The following PAPPA variants were observed in gnomAD, a reference collection of about 807,000 sequenced individuals.
PAPPA encodes pappalysin-1.
In PAPPA, 60 loss-of-function variants were observed where a neutral mutation model predicts 164.0. The observed-to-expected ratio is 0.37, with a 90% CI of 0.30 to 0.45. The LOEUF is 0.45. PAPPA is among the 20% of genes least tolerant of loss of function. The pLI, the probability that PAPPA is intolerant of heterozygous loss-of-function variation, is 1.00. For missense variants in PAPPA, 1,782 were observed against 2,087.3 expected (o/e 0.85, Z 2.85); for synonymous variants, 875 against 814.1 (o/e 1.07, Z -1.27).
At chr9:116,281,842 C>T (rs557310844) in intron 9 of PAPPA, among the ~76,000 whole-genome samples, 13 of 152,170 alleles carry the variant, frequency 8.5e-5, no homozygotes, top group Admixed American at 4.6e-4. Context: ...CCTCACACCC[C>T]ACTTAACCAT....
chr9:116,375,020 A>G (rs1846631309), intron 19 of PAPPA, among the ~76,000 whole-genome samples: 1 of 152,270 alleles, frequency 6.6e-6, no homozygotes, highest in African/African-American at 2.4e-5. Flanking sequence ...AAGTGTCTAT[A>G]ACTCAGGATC....
In PAPPA at chr9:116,187,163, A is replaced by G. The variant is rs112313704; in HGVS notation, c.425A>G (p.Asp142Gly). The change falls in exon 2 of 22, where the codon GAC becomes GGC. Residue 142 changes from aspartate to glycine, a missense_variant. Asp to Gly is a moderately conservative substitution (Grantham distance 94). Transcript: ENST00000328252. This position sits in a 1 kb window ranked among gnomAD's most constrained non-coding sequence, Gnocchi z 4.2. ...RSPAVITGLY[D>G]KCSYISRDRG... ...TTTTGGGGCCACATAGGGCTGTATGACAAATGTTCTTATATCTCACGTGAC... is the reference window on the plus strand; with the variant it reads ...TTTTGGGGCCACATAGGGCTGTATGGCAAATGTTCTTATATCTCACGTGAC... The G allele has an allele frequency of 6.2e-7, 1 of 1,611,878 alleles. No homozygotes were observed. Among genetic ancestry groups the G allele is most frequent in the Non-Finnish European group, 8.5e-7 (1 of 1,178,146 alleles).
intron 9 of PAPPA, among the ~76,000 whole-genome samples, chr9:116,279,452 C>T (rs934759779): frequency 6.6e-6 from 1 of 152,060 alleles, no homozygotes; most frequent in Non-Finnish European, 1.5e-5. Flanking sequence ...ACCCGGGAGG[C>T]CTACCCCACA....
chr9:116,258,112 C>T (rs1359802813), intron 7 of PAPPA, among the ~76,000 whole-genome samples: 2 of 151,928 alleles, frequency 1.3e-5, no homozygotes, highest in Non-Finnish European at 2.9e-5. Flanking sequence ...AAACTGTGTG[C>T]ATAAATGGGG....
At chr9:116,320,974 T>C (rs1012524675) in intron 10 of PAPPA, among the ~76,000 whole-genome samples, 8 of 152,184 alleles carry the variant, frequency 5.3e-5, no homozygotes, top group Admixed American at 2.0e-4. Flanking sequence ...GAGTTGTGTT[T>C]GTTCATTATA....
chr9:116,291,759 C>A (rs1009500065), intron 9 of PAPPA, among the ~76,000 whole-genome samples: 1 of 151,760 alleles, frequency 6.6e-6, no homozygotes, highest in Non-Finnish European at 1.5e-5. Context: ...TTGAAACATG[C>A]TTCTATTAAA....
At chr9:116,286,792 TA>T (rs1845345045) in intron 9 of PAPPA, 1 of 152,246 alleles carries the variant, frequency 6.6e-6, no homozygotes, top group Admixed American at 6.5e-5. Flanking sequence ...ATTTGTTTTT[TA>T]AATGCTGGAT....
chr9:116,281,877 G>A (rs532906340), intron 9 of PAPPA, among the ~76,000 whole-genome samples: 1 of 152,278 alleles, frequency 6.6e-6, no homozygotes, highest in South Asian at 2.1e-4. Flanking sequence ...CAAGGCTACG[G>A]GAAGGTAGGG....
chr9:116,392,151 T>G (rs990970273), intron 21 of PAPPA, among the ~76,000 whole-genome samples: 24 of 152,230 alleles, frequency 1.6e-4, no homozygotes, highest in Admixed American at 3.9e-4. Flanking sequence ...AAGATAATGA[T>G]GCACATTGAG....
At chr9:116,168,586 T>C (rs1185036393) in intron 1 of PAPPA, among the ~76,000 whole-genome samples, 1 of 152,194 alleles carries the variant, frequency 6.6e-6, no homozygotes, top group African/African-American at 2.4e-5. Flanking sequence ...ATGAAGTGAA[T>C]GTGTATGTAT....
At chr9:116,200,540 G>A (rs189054033) in intron 2 of PAPPA, among the ~76,000 whole-genome samples, 4 of 152,228 alleles carry the variant, frequency 2.6e-5, no homozygotes, top group Non-Finnish European at 4.4e-5. Context: ...CTTTTGAAAA[G>A]CTTCAAAAAT....
At chr9:116,295,506 A>T (rs1037064035) in intron 9 of PAPPA, among the ~76,000 whole-genome samples, 1 of 148,386 alleles carries the variant, frequency 6.7e-6, no homozygotes, top group African/African-American at 2.5e-5. Flanking sequence ...GTGAGCCAAG[A>T]TCGCACCATT....
chr9:116,232,053 C>CA (rs1180579187), intron 6 of PAPPA, among the ~76,000 whole-genome samples: 1 of 152,046 alleles, frequency 6.6e-6, no homozygotes, highest in African/African-American at 2.4e-5. Flanking sequence ...CGCACCTGGC[C>CA]AACAGTGGTT....
At chr9:116,201,144 C>G (rs1844167169) in intron 2 of PAPPA, among the ~76,000 whole-genome samples, 1 of 152,080 alleles carries the variant, frequency 6.6e-6, no homozygotes, top group Non-Finnish European at 1.5e-5. Context: ...TGTTAGGGCC[C>G]TTGGGATAAA....
rs1053535707 is a variant in PAPPA at position 116,203,245 on chromosome 9, CT to C, written c.1479-4207del. On this transcript the variant is annotated intron_variant, in intron 2 of 21. Transcript: ENST00000328252. ...TAGAGCAGAGAGGTTTGTTGGCAGG[CT>C]TTTCTACAACCTGTATTAGATATAT... Among the ~76,000 whole-genome samples, 135 of 152,348 alleles carry C rather than the reference CT, an allele frequency of 8.9e-4. 1 individual carries two copies. Among genetic ancestry groups the C allele is most frequent in the African/African-American group, 3.2e-3 (133 of 41,582 alleles).
At chr9:116,344,743 TG>T (rs1846185674) in intron 14 of PAPPA, 32 bp downstream of exon 14, 2 of 1,593,840 alleles carry the variant, frequency 1.3e-6, no homozygotes, top group African/African-American at 2.7e-5. Context: ...AGAGCCTCTC[TG>T]CAGCCCAGGG....
At position 116,187,588 on chromosome 9, in the gene PAPPA, C is replaced by T; in HGVS notation, c.850C>T (p.Leu284Phe). 2 of 1,614,220 alleles carry T rather than the reference C, an allele frequency of 1.2e-6. No homozygotes were observed. Among genetic ancestry groups the T allele is most frequent in the Non-Finnish European group, 1.7e-6 (2 of 1,180,036 alleles). The change falls in exon 2 of 22, where the codon CTC becomes TTC. Residue 284 changes from leucine (L) to phenylalanine (F), a missense_variant. Leu to Phe is a conservative substitution (Grantham distance 22). This residue lies in a region of PAPPA where 458 missense variants were observed against 430.3 expected (regional missense o/e 1.06). Transcript: ENST00000328252. This position sits in a 1 kb window ranked among gnomAD's most constrained non-coding sequence, Gnocchi z 4.2. Reference sequence around the variant, plus strand: ...TGGCGCCCACACTGCTCTACCTCAGCTCCTCCTCCAGGAGAACTGGGACAA... The same window carrying T: ...TGGCGCCCACACTGCTCTACCTCAGTTCCTCCTCCAGGAGAACTGGGACAA... The part of the protein sequence containing the change: ...THGAHTALPQ[L>F]LLQENWDNVK...
In PAPPA at chr9:116,357,123, T is replaced by A. The variant is rs542246865; in HGVS notation, c.4347+3330T>A. Among the ~76,000 whole-genome samples the A allele has an allele frequency of 1.6e-4, 24 of 152,304 alleles. 1 individual carries two copies. In the East Asian group the frequency reaches 4.4e-3, roughly 28 times the overall value. Reference sequence around the variant, plus strand: ...GTTCCTGTAGACCAGCACTTTCCAGTAGAACTTTCTGCCATGATAAAAATA... The same window carrying A: ...GTTCCTGTAGACCAGCACTTTCCAGAAGAACTTTCTGCCATGATAAAAATA... On this transcript the variant is annotated intron_variant, in intron 17 of 21. Transcript: ENST00000328252.
At chr9:116,231,088 G>T (rs62574204) in intron 6 of PAPPA, among the ~76,000 whole-genome samples, 4 of 110,640 alleles carry the variant, frequency 3.6e-5, no homozygotes, top group East Asian at 7.8e-4. Context: ...TATATATATA[G>T]ATATATAACG....
Sources: gnomAD v4.1 joint callset for allele counts (sites outside exome capture counted in the v4.1 genomes callset) on GRCh38, gnomAD v4.1.1 for gene constraint, gnomAD v4.1.1 regional missense constraint, Gnocchi (gnomAD v3.1) non-coding constraint, MANE v1.5 for transcripts, NCBI Gene and HGNC (gene_info 2026-07-23, HGNC 2026-07-21) for gene names.